The following AFF3 variants were observed in gnomAD, a reference collection of about 807,000 sequenced individuals.
The protein encoded by AFF3 is ALF transcription elongation factor 3.
Under a neutral mutation model 129.7 loss-of-function variants are expected in AFF3, and 32 were observed. The observed-to-expected ratio is 0.25, with a 90% confidence interval of 0.19 to 0.33. The LOEUF (loss-of-function observed/expected upper bound fraction) is 0.33, where lower values mean the gene tolerates loss of function less well. AFF3 is among the 10% of genes least tolerant of loss of function. The pLI, the probability that AFF3 is intolerant of heterozygous loss-of-function variation, is 1.00. For missense variants in AFF3, 1,373 were observed against 1,592.0 expected (o/e 0.86, Z 2.34); for synonymous variants, 644 against 635.4 (o/e 1.01, Z -0.20).
chr2:99,699,929 C>G (rs1676676826), intron 11 of AFF3, among the ~76,000 whole-genome samples: 1 of 152,216 alleles, frequency 6.6e-6, no homozygotes, highest in Non-Finnish European at 1.5e-5. Flanking sequence ...ACATGGGAAA[C>G]TTTCTGAATT....
At chr2:99,576,871 T>C (rs983459365) in intron 18 of AFF3, among the ~76,000 whole-genome samples, 21 of 152,204 alleles carry the variant, frequency 1.4e-4, no homozygotes, top group Non-Finnish European at 2.8e-4. Context: ...TAATTATAAA[T>C]GTAGTTGGCC....
intron 7 of AFF3, among the ~76,000 whole-genome samples, chr2:99,841,380 G>T (rs1363150113): frequency 6.6e-6 from 1 of 152,170 alleles, no homozygotes; most frequent in Non-Finnish European, 1.5e-5. Context: ...AAGCCTTGAT[G>T]GTCTGGACAG....
rs1331201467 is a variant in AFF3 at position 99,582,857 on chromosome 2, A to G, written c.2734T>C (p.Ser912Pro). 6.2e-7 allele frequency: 1 copy of G among 1,614,108 alleles called. No homozygotes were observed. The highest frequency in any genetic ancestry group is 1.3e-5 in the African/African-American group (1 of 74,928). ...PNGNSLFTSA[S>P]SSKKPKADSQ... Reference sequence around the variant, plus strand: ...TCGGCCTTAGGCTTTTTGCTGGAAGAGGCTGAAGTAAACAAACTGTTGCCA... The same window carrying G: ...TCGGCCTTAGGCTTTTTGCTGGAAGGGGCTGAAGTAAACAAACTGTTGCCA... Residue 912 changes from serine to proline, a missense_variant, in exon 17 of 25, where the codon TCT (serine) becomes CCT (proline). This residue lies in a region of AFF3 where 466 missense variants were observed against 505.0 expected (regional missense o/e 0.92). Transcript: ENST00000672756.
At chr2:100,129,963 A>T (rs1464528862) in intron 1 of AFF3, among the ~76,000 whole-genome samples, 1 of 152,196 alleles carries the variant, frequency 6.6e-6, no homozygotes, top group African/African-American at 2.4e-5. Flanking sequence ...CTAACACTCA[A>T]TGAAGCCTTT....
At chr2:99,724,536 G>C (rs992193575) in intron 11 of AFF3, among the ~76,000 whole-genome samples, 2 of 152,058 alleles carry the variant, frequency 1.3e-5, no homozygotes, top group Non-Finnish European at 2.9e-5. Flanking sequence ...GCCTCCCAAA[G>C]TGCTGGGATT....
At chr2:100,067,785 C>T (rs1241497562) in intron 4 of AFF3, among the ~76,000 whole-genome samples, 1 of 152,080 alleles carries the variant, frequency 6.6e-6, no homozygotes, top group Admixed American at 6.6e-5. Context: ...AATTAAAAGA[C>T]TTGTCTAAGC....
At chr2:99,727,169 T>C (rs773208590) in intron 10 of AFF3, 41 bp from the exon 11 acceptor site, 72 of 1,549,672 alleles carry the variant, frequency 4.6e-5, no homozygotes, top group Non-Finnish European at 1.4e-5. Flanking sequence ...ATATGAGTCT[T>C]ACAGTCTTTA....
chr2:99,859,242 T>C (rs779329654), intron 7 of AFF3, among the ~76,000 whole-genome samples: 6 of 152,232 alleles, frequency 3.9e-5, no homozygotes, highest in Non-Finnish European at 7.3e-5. Context: ...CTCTTCAGAA[T>C]AGCTGGAGCT....
chr2:99,941,943 G>C (rs1675077594), intron 7 of AFF3, among the ~76,000 whole-genome samples: 1 of 152,180 alleles, frequency 6.6e-6, no homozygotes, highest in Non-Finnish European at 1.5e-5. Flanking sequence ...TAAAACCATT[G>C]ATTTTCAGGT....
chr2:99,864,251 C>G (rs948770087), intron 7 of AFF3, among the ~76,000 whole-genome samples: 4 of 152,200 alleles, frequency 2.6e-5, no homozygotes, highest in Admixed American at 2.6e-4. Flanking sequence ...GTCACCTTTA[C>G]CAAAGGTGTC....
chr2:99,934,556 A>G lies in AFF3; in HGVS notation c.873+72076T>C, dbSNP rs531367861. On this transcript the variant is annotated intron_variant, in intron 7 of 24. Transcript: ENST00000672756. ...AAGAACCACAGAAGCAGGGTAAGGA[A>G]AGGGAATATCCCACAAAACCTCTAA... Among the ~76,000 whole-genome samples the G allele has an allele frequency of 2.0e-5, 3 of 152,324 alleles. No individual in the cohort carries two copies. In the South Asian group the frequency reaches 6.2e-4, roughly 32 times the overall value.
rs1558870863 is a variant in AFF3 at position 99,809,189 on chromosome 2, G to C, written c.921+28288C>G. On this transcript the variant is annotated intron_variant, in intron 8 of 24. Coordinates refer to ENST00000672756, the MANE Select transcript of AFF3 (RefSeq NM_001386135.1). ...GAAAGAAGTTTCTGGAAGGCAGAAA[G>C]CCTTTGAGGTTCCAAGACATATACT... 4.6e-5 allele frequency among the ~76,000 whole-genome samples: 7 copies of C among 152,338 alleles called. No individual in the cohort carries two copies. The South Asian group carries it at 1.5e-3, about 32-fold the overall frequency.
At chr2:100,030,943 T>A (rs1191579514) in intron 4 of AFF3, among the ~76,000 whole-genome samples, 1 of 152,188 alleles carries the variant, frequency 6.6e-6, no homozygotes, top group East Asian at 1.9e-4. Flanking sequence ...TGGTCAAAAT[T>A]CATAGAACTT....
chr2:99,753,159 G>A (rs1026287574), intron 8 of AFF3, among the ~76,000 whole-genome samples: 12 of 152,090 alleles, frequency 7.9e-5, no homozygotes, highest in Non-Finnish European at 1.3e-4. Flanking sequence ...GGAGTGCAGT[G>A]GCGTGATCTG....
intron 11 of AFF3, among the ~76,000 whole-genome samples, chr2:99,714,056 A>G (rs1463876281): frequency 6.6e-6 from 1 of 152,170 alleles, no homozygotes; most frequent in Non-Finnish European, 1.5e-5. Context: ...CGGACCTTCC[A>G]ATGTCGTGCC....
chr2:99,733,086 T>C (rs537111970), intron 10 of AFF3, among the ~76,000 whole-genome samples: 2 of 152,090 alleles, frequency 1.3e-5, no homozygotes, highest in Non-Finnish European at 2.9e-5. Flanking sequence ...TTTCAATACA[T>C]ATATAAAACT....
chr2:99,585,400 A>G (rs988161461), intron 16 of AFF3, among the ~76,000 whole-genome samples: 9 of 152,212 alleles, frequency 5.9e-5, no homozygotes, highest in African/African-American at 2.2e-4. Flanking sequence ...ACTTGATAGT[A>G]GTAATCACAA....
In AFF3 at chr2:99,871,404, G is replaced by A. The variant is rs143704211; in HGVS notation, c.874-33880C>T. Among the ~76,000 whole-genome samples the A allele has an allele frequency of 1.5e-3, 231 of 152,056 alleles. 2 individuals are homozygous for A. The highest frequency in any genetic ancestry group is 5.2e-3 in the African/African-American group (216 of 41,440). On this transcript the variant is annotated intron_variant, in intron 7 of 24. Transcript: ENST00000672756. Reference sequence around the variant, plus strand: ...TCTATTAAATATTTATTTAAATCACGGAACTATGCTTGGTTCTATTTCTCA... The same window carrying A: ...TCTATTAAATATTTATTTAAATCACAGAACTATGCTTGGTTCTATTTCTCA...
At chr2:99,932,857 G>A (rs1451101158) in intron 7 of AFF3, among the ~76,000 whole-genome samples, 1 of 152,130 alleles carries the variant, frequency 6.6e-6, no homozygotes, top group African/African-American at 2.4e-5. Context: ...ATTAATCATA[G>A]TTTCCAATTA....
Sources: allele counts gnomAD v4.1 joint callset (sites outside exome capture counted in the v4.1 genomes callset), GRCh38; gene constraint gnomAD v4.1.1; regional missense constraint gnomAD v4.1.1; transcripts MANE v1.5; gene names NCBI Gene and HGNC (gene_info 2026-07-23, HGNC 2026-07-21).